The following STK11 variants were observed in gnomAD, a reference collection of about 807,000 sequenced individuals.
STK11 encodes the protein serine/threonine kinase 11.
STK11 carries 8 observed loss-of-function variants against 47.3 expected under a neutral mutation model. The observed-to-expected ratio is 0.17, with a 90% confidence interval of 0.10 to 0.31. STK11 has a LOEUF of 0.31. Among genes scored for constraint, STK11 ranks in the 10% least tolerant of loss-of-function variants. The probability of loss-of-function intolerance (pLI) is 1.00; values close to 1 mark genes in which losing one functional copy is unlikely to be tolerated. For synonymous variants in STK11, 330 were observed against 255.8 expected (o/e 1.29, Z -2.77); for missense variants, 475 against 605.0 (o/e 0.79, Z 2.25).
intron 1 of STK11, among the ~76,000 whole-genome samples, chr19:1,208,568 A>G (rs1406056664): frequency 3.5e-5 from 5 of 143,734 alleles, no homozygotes; most frequent in African/African-American, 1.0e-4. Context: ...TCGGCCTCCC[A>G]AAGTGCTGGT....
At chr19:1,209,276 C>T (rs1455371002) in intron 1 of STK11, among the ~76,000 whole-genome samples, 1 of 152,118 alleles carries the variant, frequency 6.6e-6, no homozygotes, top group Non-Finnish European at 1.5e-5. Context: ...GTCTCTCTCC[C>T]AGCAGTGAGA....
In STK11 at chr19:1,207,153, CAAG is replaced by C. The variant is rs587782056; in HGVS notation, c.250_252del (p.Lys84del). On this transcript the variant is annotated inframe_deletion, in exon 1 of 10. Transcript: ENST00000326873. ...TGTGCAGGAGGGCCGTCAAGATCCT[CAAG>C]AAGAAGAAGTTGCGAAGGATCCCCA... 4.3e-6 allele frequency: 7 copies of C among 1,612,486 alleles called. No individual in the cohort carries two copies. The highest frequency in any genetic ancestry group is 1.3e-5 in the African/African-American group (1 of 74,868).
chr19:1,218,588 C>T lies in STK11; in HGVS notation c.374+88C>T, dbSNP rs2080759926. ...CTGCCTCGAGGCCTGCTCCTCTTCC[C>T]GTCTCCTTGAAGGAGACTGGCACAC... On this transcript the variant is annotated intron_variant, in intron 2 of 9. Transcript: ENST00000326873. 1.2e-5 allele frequency: 14 copies of T among 1,162,770 alleles called. 1 individual carries two copies. The highest frequency in any genetic ancestry group is 1.1e-4 in the South Asian group (9 of 81,416). The allele number at this position is 1,162,770 out of a possible 1,614,324, so 72.0% of individuals were successfully genotyped here. A position where few individuals can be genotyped will look rare whatever the true frequency, so the allele number is the denominator to read the frequency against.
chr19:1,226,857 C>T (rs1237259620), intron 9 of STK11, 194 bp downstream of exon 9: 1 of 665,964 alleles, frequency 1.5e-6, no homozygotes, highest in South Asian at 2.3e-5. Context: ...GGTGTCTGGC[C>T]AGCGTGCTGG....
Position 1,206,730 on chromosome 19 carries a change from C to T in STK11, c.-184C>T. On this transcript the variant is annotated 5_prime_UTR_variant, in exon 1 of 10. Transcript: ENST00000326873. ...ACCGGGCTTGGACTCGCAGCCGGGACTGACGTGTAGAACAATCGTTTCTGT... is the reference window on the plus strand; with the variant it reads ...ACCGGGCTTGGACTCGCAGCCGGGATTGACGTGTAGAACAATCGTTTCTGT... 3.6e-6 allele frequency: 3 copies of T among 840,852 alleles called. No homozygotes were observed. Among genetic ancestry groups the T allele is most frequent in the South Asian group, 1.9e-5 (1 of 52,138 alleles). The allele number at this position is 840,852 out of a possible 1,614,324, so 52.1% of individuals were successfully genotyped here. A position where few individuals can be genotyped will look rare whatever the true frequency, so the allele number is the denominator to read the frequency against.
At chr19:1,211,919 G>C (rs1179536410) in intron 1 of STK11, among the ~76,000 whole-genome samples, 1 of 152,234 alleles carries the variant, frequency 6.6e-6, no homozygotes, top group Non-Finnish European at 1.5e-5. Context: ...GGCCTTTATG[G>C]GGTTCCAGCA....
chr19:1,206,670 C>T lies in STK11; in HGVS notation c.-244C>T, dbSNP rs2080667390. On this transcript the variant is annotated 5_prime_UTR_variant, in exon 1 of 10. Coordinates refer to ENST00000326873, the MANE Select transcript of STK11 (RefSeq NM_000455.5). ...GGAACTCGCGTCTGAGCCGCCGTCC[C>T]GGACCCCCGGTGCCCGCCGGTCCGC... The T allele has an allele frequency of 3.6e-6, 2 of 556,214 alleles. No homozygotes were observed. Among genetic ancestry groups the T allele is most frequent in the South Asian group, 2.5e-5 (1 of 39,860 alleles). The allele number at this position is 556,214 out of a possible 1,614,324, so 34.5% of individuals were successfully genotyped here. A position where few individuals can be genotyped will look rare whatever the true frequency, so the allele number is the denominator to read the frequency against.
chr19:1,214,921 G>A (rs1236506950), intron 1 of STK11, among the ~76,000 whole-genome samples: 2 of 152,204 alleles, frequency 1.3e-5, no homozygotes, highest in Non-Finnish European at 2.9e-5. Flanking sequence ...GGGCCTGTGC[G>A]TCCGAGCATC....
chr19:1,222,656 T>G (rs1476789852), intron 7 of STK11, among the ~76,000 whole-genome samples: 2 of 152,162 alleles, frequency 1.3e-5, no homozygotes, highest in African/African-American at 4.8e-5. Context: ...GATAGCCTCC[T>G]GGGCTGGGAT....
chr19:1,209,199 G>T (rs2080692324), intron 1 of STK11, among the ~76,000 whole-genome samples: 1 of 93,352 alleles, frequency 1.1e-5, no homozygotes, highest in Non-Finnish European at 2.6e-5. Context: ...CTGTGAGATG[G>T]GTTGGTCAGG....
chr19:1,219,444 G>GCGGGAGC, intron 3 of STK11, 31 bp downstream of exon 3: 4 of 1,304,784 alleles, frequency 3.1e-6, no homozygotes, highest in Non-Finnish European at 4.3e-6. Flanking sequence ...CCAGGGTGGG[G>GCGGGAGC]CGGGGGCCGG....
At chr19:1,207,280 C>G in intron 1 of STK11, 77 bp downstream of exon 1, 2 of 1,484,016 alleles carry the variant, frequency 1.3e-6, no homozygotes, top group Non-Finnish European at 1.8e-6. Context: ...TTCCTTCTCT[C>G]CTCCCTCCCT....
intron 1 of STK11, among the ~76,000 whole-genome samples, chr19:1,211,742 T>C (rs2080712114): frequency 6.6e-6 from 1 of 152,228 alleles, no homozygotes; most frequent in Non-Finnish European, 1.5e-5. Context: ...GGGCTGTGGC[T>C]CTCCCATCCG....
At chr19:1,222,755 T>A (rs999029824) in intron 7 of STK11, among the ~76,000 whole-genome samples, 2 of 152,174 alleles carry the variant, frequency 1.3e-5, no homozygotes, top group Admixed American at 6.5e-5. Context: ...GAGTGCCACC[T>A]GGGACACAGG....
intron 1 of STK11, among the ~76,000 whole-genome samples, chr19:1,213,204 A>G (rs1599921091): frequency 6.7e-6 from 1 of 149,200 alleles, no homozygotes; most frequent in East Asian, 2.0e-4. Context: ...TCACTGTGTT[A>G]GCCAGGATGG....
rs73918395 is a variant in STK11 at position 1,224,560 on chromosome 19, C to A, written c.1108+1388C>A. Reference sequence around the variant, plus strand: ...CAGCCCAGGCAGGTTGCGAGAGTCCCTACTGGGACGTGGACCACACGCTGA... The same window carrying A: ...CAGCCCAGGCAGGTTGCGAGAGTCCATACTGGGACGTGGACCACACGCTGA... On this transcript the variant is annotated intron_variant, in intron 8 of 9. Coordinates refer to ENST00000326873, the MANE Select transcript of STK11 (RefSeq NM_000455.5). The A allele has an allele frequency of 4.4e-3, 4,353 of 985,482 alleles. 155 individuals are homozygous for A. In the African/African-American group the frequency reaches 0.07, roughly 16 times the overall value. 61.0% of individuals were successfully genotyped at this position (985,482 alleles called of 1,614,324 possible). A position where few individuals can be genotyped will look rare whatever the true frequency, so the allele number is the denominator to read the frequency against.
chr19:1,226,379 TG>T (rs2080820856), intron 8 of STK11, 74 bp from the exon 9 acceptor site: 3 of 1,556,732 alleles, frequency 1.9e-6, no homozygotes, highest in Non-Finnish European at 2.6e-6. Context: ...GTCCCCGTGG[TG>T]GGGGCCAGCC....
At chr19:1,225,311 C>T (rs370795740) in intron 8 of STK11, 1,441 of 981,350 alleles carry the variant, frequency 1.5e-3, no homozygotes, top group Admixed American at 3.8e-3. Flanking sequence ...CTTGCTCTGT[C>T]GCCCAGGCTG....
intron 5 of STK11, 28 bp from the exon 6 acceptor site, chr19:1,221,185 G>A (rs753207672): frequency 7.5e-6 from 12 of 1,610,356 alleles, no homozygotes; most frequent in South Asian, 1.1e-5. Flanking sequence ...GACTGACCAC[G>A]CCTTTCTTCC....
Sources: gnomAD v4.1 joint callset for allele counts (sites outside exome capture counted in the v4.1 genomes callset) on GRCh38, gnomAD v4.1.1 for gene constraint, MANE v1.5 for transcripts, NCBI Gene and HGNC (gene_info 2026-07-23, HGNC 2026-07-21) for gene names.